The following CPED1 variants were observed in gnomAD, a reference collection of about 807,000 sequenced individuals.
CPED1 encodes cadherin-like and PC-esterase domain-containing protein 1.
Under a neutral mutation model 128.2 loss-of-function variants are expected in CPED1, and 114 were observed. The observed-to-expected ratio is 0.89, with a 90% CI of 0.76 to 1.04. The LOEUF (loss-of-function observed/expected upper bound fraction) is 1.04, where lower values mean the gene tolerates loss of function less well. CPED1 is among the 50% of genes least tolerant of loss of function. The pLI, the probability that CPED1 is intolerant of heterozygous loss-of-function variation, is 0.00. For synonymous variants in CPED1, 462 were observed against 426.7 expected (o/e 1.08, Z -1.02); for missense variants, 1,211 against 1,207.1 (o/e 1.00, Z -0.05).
intron 5 of CPED1, among the ~76,000 whole-genome samples, chr7:121,090,041 G>T (rs923532791): frequency 2.0e-5 from 3 of 152,182 alleles, no homozygotes; most frequent in Non-Finnish European, 4.4e-5. Flanking sequence ...ACAAGAATGA[G>T]CAGAACTCAA....
chr7:121,123,052 T>A (rs1192792231), intron 7 of CPED1, among the ~76,000 whole-genome samples: 1 of 152,226 alleles, frequency 6.6e-6, no homozygotes, highest in African/African-American at 2.4e-5. Flanking sequence ...AAAAACATAA[T>A]GTTACTCTGC....
intron 16 of CPED1, among the ~76,000 whole-genome samples, chr7:121,213,234 C>T (rs1215810853): frequency 6.6e-6 from 1 of 151,968 alleles, no homozygotes; most frequent in Non-Finnish European, 1.5e-5. Context: ...GTCAGATAAA[C>T]CCATGGTTCA....
At chr7:121,278,924 T>C (rs1200050458) in intron 22 of CPED1, among the ~76,000 whole-genome samples, 1 of 152,122 alleles carries the variant, frequency 6.6e-6, no homozygotes, top group Non-Finnish European at 1.5e-5. Flanking sequence ...AATGTCAGTG[T>C]GACTAAAAAA....
intron 16 of CPED1, among the ~76,000 whole-genome samples, chr7:121,172,417 A>G (rs1042119755): frequency 4.6e-5 from 7 of 151,856 alleles, no homozygotes; most frequent in African/African-American, 1.7e-4. Context: ...GAACAACTAG[A>G]GATATTTTTC....
chr7:121,273,025 T>G (rs1316173079), intron 22 of CPED1, among the ~76,000 whole-genome samples: 5 of 152,102 alleles, frequency 3.3e-5, no homozygotes, highest in Admixed American at 2.6e-4. Flanking sequence ...GATTTTTTTT[T>G]GGCTTCTGTT....
intron 5 of CPED1, among the ~76,000 whole-genome samples, chr7:121,095,902 T>TA (rs1442323840): frequency 6.6e-6 from 1 of 152,102 alleles, no homozygotes; most frequent in East Asian, 1.9e-4. Flanking sequence ...GAAATCAGAG[T>TA]AAATTATACT....
intron 16 of CPED1, among the ~76,000 whole-genome samples, chr7:121,228,331 GAAA>G (rs1371906959): frequency 6.6e-6 from 1 of 151,760 alleles, no homozygotes; most frequent in African/African-American, 2.4e-5. Flanking sequence ...GCAACTTATA[GAAA>G]TAGACATTTC....
chr7:121,209,552 A>G (rs1584599149), intron 16 of CPED1, among the ~76,000 whole-genome samples: 1 of 152,032 alleles, frequency 6.6e-6, no homozygotes, highest in Non-Finnish European at 1.5e-5. Context: ...GGATATCTAT[A>G]TGTAGAAAAA....
intron 16 of CPED1, among the ~76,000 whole-genome samples, chr7:121,214,611 A>T (rs1797718132): frequency 6.6e-6 from 1 of 152,018 alleles, no homozygotes; most frequent in South Asian, 2.1e-4. Flanking sequence ...AGAGTATTTT[A>T]AAAATATTAT....
chr7:121,205,202 C>T (rs1444282319), intron 16 of CPED1, among the ~76,000 whole-genome samples: 1 of 151,910 alleles, frequency 6.6e-6, no homozygotes, highest in Non-Finnish European at 1.5e-5. Flanking sequence ...AAAGTCTTTC[C>T]ATGTTTTATG....
At chr7:121,108,594 A>G (rs1795035900) in intron 7 of CPED1, among the ~76,000 whole-genome samples, 1 of 151,914 alleles carries the variant, frequency 6.6e-6, no homozygotes, top group Non-Finnish European at 1.5e-5. Flanking sequence ...ACATTTTGTA[A>G]TGTTTTTTTC....
Position 120,989,797 on chromosome 7 carries a change from G to A in CPED1, c.176G>A (p.Ser59Asn), listed in dbSNP as rs1410505565. The A allele has an allele frequency of 9.9e-6, 16 of 1,613,978 alleles. No individual in the cohort carries two copies. The highest frequency in any genetic ancestry group is 2.2e-5 in the East Asian group (1 of 44,872). ...CACACATCCACTGAAACCCAGGCAA[G>A]CAGATGCAAGAAAGGATTCTCTCAG... The part of the protein sequence containing the change: ...VPHTSTETQA[S>N]RCKKGFSQDK... Residue 59 changes from serine (S) to asparagine (N), a missense_variant, in exon 2 of 23, where the codon AGC becomes AAC. Transcript: ENST00000310396.
intron 5 of CPED1, among the ~76,000 whole-genome samples, chr7:121,095,477 C>T (rs1584508064): frequency 6.6e-6 from 1 of 150,948 alleles, no homozygotes; most frequent in African/African-American, 2.4e-5. Flanking sequence ...CAGCTAATTA[C>T]AGAGGTTTTT....
chr7:121,284,160 A>T (rs1792516189), intron 22 of CPED1, among the ~76,000 whole-genome samples: 1 of 152,190 alleles, frequency 6.6e-6, no homozygotes, highest in Non-Finnish European at 1.5e-5. Context: ...GGCTGCAAAG[A>T]GAAGTACAGA....
intron 18 of CPED1, among the ~76,000 whole-genome samples, chr7:121,247,726 TAGA>T (rs1250662372): frequency 2.0e-5 from 3 of 151,810 alleles, no homozygotes; most frequent in Non-Finnish European, 4.4e-5. Flanking sequence ...GTCCAGAGAG[TAGA>T]CATAGATGGT....
intron 4 of CPED1, among the ~76,000 whole-genome samples, chr7:121,056,407 T>C (rs1793501189): frequency 6.6e-6 from 1 of 152,206 alleles, no homozygotes; most frequent in African/African-American, 2.4e-5. Context: ...TTGAATTGAT[T>C]TGGCAGTTGG....
chr7:121,253,473 T>TA (rs144017229), intron 18 of CPED1, among the ~76,000 whole-genome samples: 2 of 151,036 alleles, frequency 1.3e-5, no homozygotes, highest in African/African-American at 2.4e-5. Flanking sequence ...AATAATAAAA[T>TA]AAAAAAAAGG....
chr7:121,250,777 G>C (rs1030806968), intron 18 of CPED1, among the ~76,000 whole-genome samples: 3 of 152,088 alleles, frequency 2.0e-5, no homozygotes, highest in Non-Finnish European at 4.4e-5. Flanking sequence ...GGAAGAAGTT[G>C]AATCTCTGAA....
chr7:121,254,195 A>G (rs1798752607), intron 18 of CPED1, among the ~76,000 whole-genome samples: 1 of 152,072 alleles, frequency 6.6e-6, no homozygotes, highest in Non-Finnish European at 1.5e-5. Flanking sequence ...AAAAAATTAA[A>G]TCATACAAAG....
Sources: allele counts gnomAD v4.1 joint callset (sites outside exome capture counted in the v4.1 genomes callset), GRCh38; gene constraint gnomAD v4.1.1; transcripts MANE v1.5; gene names NCBI Gene and HGNC (gene_info 2026-07-23, HGNC 2026-07-21).